Variants in WDPCP observed in about 807,000 individuals in gnomAD.
WDPCP encodes WD repeat containing planar cell polarity effector, also known as WD repeat-containing and planar cell polarity effector protein fritz homolog.
A neutral mutation model predicts 93.1 loss-of-function variants in WDPCP; 71 were observed. That is an observed-to-expected ratio of 0.76 (90% CI 0.63 to 0.93). The LOEUF (loss-of-function observed/expected upper bound fraction) is 0.93, where lower values mean the gene tolerates loss of function less well. Ranked by LOEUF, WDPCP falls within the 40% of genes least tolerant of loss-of-function variation. The pLI is 0.00. For missense variants in WDPCP, 844 were observed against 887.4 expected (o/e 0.95, Z 0.62); for synonymous variants, 315 against 315.0 (o/e 1.00, Z 0.00).
At chr2:63,330,289 G>A (rs1687882403) in intron 12 of WDPCP, among the ~76,000 whole-genome samples, 2 of 152,130 alleles carry the variant, frequency 1.3e-5, no homozygotes, top group Non-Finnish European at 2.9e-5. Flanking sequence ...CAGATGTAAG[G>A]TGTTATCTCT....
chr2:63,311,967 G>A (rs1423478289), intron 13 of WDPCP, among the ~76,000 whole-genome samples: 1 of 152,068 alleles, frequency 6.6e-6, no homozygotes, highest in Non-Finnish European at 1.5e-5. Context: ...TGGGGTAAGT[G>A]GCAAAGGTGA....
chr2:63,322,078 G>A (rs1212517016), intron 12 of WDPCP, among the ~76,000 whole-genome samples: 5 of 152,176 alleles, frequency 3.3e-5, no homozygotes, highest in Admixed American at 3.3e-4. Context: ...CTAAAGAATT[G>A]TAAATGCACC....
At chr2:63,163,945 C>G (rs1672797236) in intron 15 of WDPCP, among the ~76,000 whole-genome samples, 1 of 152,068 alleles carries the variant, frequency 6.6e-6, no homozygotes, top group South Asian at 2.1e-4. Flanking sequence ...CAACTTTTAA[C>G]AAGATAGTAT....
At chr2:63,410,652 T>G (rs1406769997) in intron 9 of WDPCP, among the ~76,000 whole-genome samples, 1 of 152,144 alleles carries the variant, frequency 6.6e-6, no homozygotes, top group Non-Finnish European at 1.5e-5. Context: ...GAGACTCACT[T>G]AACACATAAG....
intron 14 of WDPCP, among the ~76,000 whole-genome samples, chr2:63,241,106 C>T (rs1440579751): frequency 6.6e-6 from 1 of 152,266 alleles, no homozygotes; most frequent in East Asian, 1.9e-4. Flanking sequence ...AAGAAAGGAA[C>T]AAAGGTTTGA....
chr2:63,501,658 C>A (rs1358384821), intron 1 of WDPCP, among the ~76,000 whole-genome samples: 2 of 152,310 alleles, frequency 1.3e-5, no homozygotes, highest in East Asian at 3.9e-4. Context: ...CTCTTGTCAG[C>A]CAGGCGGGAG....
intron 1 of WDPCP, among the ~76,000 whole-genome samples, chr2:63,532,530 C>T (rs569666516): frequency 1.3e-5 from 2 of 152,322 alleles, no homozygotes; most frequent in East Asian, 3.9e-4. Flanking sequence ...ACTCTACAAG[C>T]CAGAATACAG....
chr2:63,525,285 C>CTATT (rs540001932), intron 1 of WDPCP, among the ~76,000 whole-genome samples: 3 of 152,204 alleles, frequency 2.0e-5, no homozygotes, highest in Admixed American at 2.0e-4. Context: ...GAAAACCTAC[C>CTATT]TATTGGGTAC....
upstream of WDPCP, among the ~76,000 whole-genome samples, chr2:63,828,703 T>C (rs1221154310): frequency 1.3e-5 from 2 of 152,178 alleles, no homozygotes; most frequent in East Asian, 1.9e-4. Flanking sequence ...ATCCTTAGCA[T>C]TGGTTTTCTT....
At chr2:63,534,646 G>A (rs914600500) in intron 1 of WDPCP, among the ~76,000 whole-genome samples, 2 of 152,132 alleles carry the variant, frequency 1.3e-5, no homozygotes, top group Non-Finnish European at 2.9e-5. Context: ...AAAGGCCTCT[G>A]ACAAAATTCA....
chr2:63,784,050 T>G (rs1353134206), intron 2 of WDPCP, among the ~76,000 whole-genome samples: 1 of 152,216 alleles, frequency 6.6e-6, no homozygotes, highest in East Asian at 1.9e-4. Context: ...TAGCACCTAA[T>G]TCCTTTTTAC....
chr2:63,486,012 G>A (rs1700554567), intron 4 of WDPCP, among the ~76,000 whole-genome samples: 1 of 151,562 alleles, frequency 6.6e-6, no homozygotes, highest in South Asian at 2.1e-4. Flanking sequence ...TAAAAAACAA[G>A]AGAACAAATG....
At chr2:63,811,203 G>A (rs1457395733) in intron 2 of WDPCP, among the ~76,000 whole-genome samples, 1 of 152,178 alleles carries the variant, frequency 6.6e-6, no homozygotes, top group Non-Finnish European at 1.5e-5. Context: ...CATGATCTTT[G>A]CCTCTTGGTG....
chr2:63,153,411 TA>T lies in WDPCP; in HGVS notation c.2158+83del, dbSNP rs1453423071. On this transcript the variant is annotated intron_variant, in intron 16 of 17. Coordinates refer to ENST00000272321, the MANE Select transcript of WDPCP (RefSeq NM_015910.7). ...GAAATGCTCAGAGTTTTCTTATTTT[TA>T]TTAATTTACTGAAAGTTCTTGCAAG... 18 of 1,045,410 alleles carry T rather than the reference TA, an allele frequency of 1.7e-5. No individual in the cohort carries two copies. In the Admixed American group the frequency reaches 3.7e-4, roughly 22 times the overall value. 64.8% of individuals were successfully genotyped at this position (1,045,410 alleles called of 1,614,324 possible).
chr2:63,835,559 T>C, the WDPCP span, among the ~76,000 whole-genome samples: 2 of 151,880 alleles, frequency 1.3e-5, no homozygotes, highest in Non-Finnish European at 2.9e-5. Flanking sequence ...TTTTCCTCCC[T>C]GTGGGTTTTT....
At chr2:63,744,465 C>A (rs1375873026) in intron 2 of WDPCP, among the ~76,000 whole-genome samples, 2 of 152,124 alleles carry the variant, frequency 1.3e-5, no homozygotes, top group Non-Finnish European at 2.9e-5. Flanking sequence ...TCCATAGTTA[C>A]ACTGTCCATA....
chr2:63,829,371 C>G (rs1388689561), upstream of WDPCP, among the ~76,000 whole-genome samples: 3 of 152,038 alleles, frequency 2.0e-5, no homozygotes, highest in Non-Finnish European at 4.4e-5. Flanking sequence ...GTTTTTAGCT[C>G]TTCTGATAGT....
intron 2 of WDPCP, chr2:63,684,831 C>A: frequency 3.0e-6 from 1 of 338,522 alleles, no homozygotes; most frequent in Non-Finnish European, 5.7e-6. Flanking sequence ...ATTTTGGAAA[C>A]TATACAATCA....
At chr2:63,810,924 C>T (rs1670853592) in intron 2 of WDPCP, among the ~76,000 whole-genome samples, 1 of 152,144 alleles carries the variant, frequency 6.6e-6, no homozygotes, top group Admixed American at 6.6e-5. Context: ...ATGTGCTTTC[C>T]AGAGGGAGAA....
Sources: gnomAD v4.1 joint callset for allele counts (sites outside exome capture counted in the v4.1 genomes callset) on GRCh38, gnomAD v4.1.1 for gene constraint, MANE v1.5 for transcripts, NCBI Gene and HGNC (gene_info 2026-07-23, HGNC 2026-07-21) for gene names.